The following TRNT1 variants were observed in gnomAD, a reference collection of about 807,000 sequenced individuals.
TRNT1 encodes the protein CCA tRNA nucleotidyltransferase 1, mitochondrial.
A neutral mutation model predicts 45.6 loss-of-function variants in TRNT1; 44 were observed. The ratio of observed to expected loss-of-function variants is 0.97; its 90% confidence interval spans 0.76 to 1.24. The LOEUF is 1.24. TRNT1 is among the 50% of genes most tolerant of loss of function. The probability of loss-of-function intolerance (pLI) is 0.00; values close to 1 mark genes in which losing one functional copy is unlikely to be tolerated. For synonymous variants in TRNT1, 201 were observed against 171.4 expected (o/e 1.17, Z -1.35); for missense variants, 633 against 504.4 (o/e 1.25, Z -2.44).
chr3:3,145,772 G>C (rs973452028), intron 5 of TRNT1, among the ~76,000 whole-genome samples: 2 of 151,968 alleles, frequency 1.3e-5, no homozygotes, highest in Non-Finnish European at 2.9e-5. Context: ...ATAGAACATA[G>C]ATTAAGACTT....
chr3:3,131,210 C>T (rs1575039702), intron 2 of TRNT1: 2 of 152,084 alleles, frequency 1.3e-5, no homozygotes, highest in South Asian at 4.1e-4. Context: ...CAAGTGGCTG[C>T]TGTTTGAATA....
chr3:3,133,390 C>T (rs1264196021), intron 2 of TRNT1, among the ~76,000 whole-genome samples: 1 of 151,876 alleles, frequency 6.6e-6, no homozygotes, highest in African/African-American at 2.4e-5. Flanking sequence ...CCCATCTGTA[C>T]AAAAATAATA....
Position 3,148,178 on chromosome 3 carries a change from A to G in TRNT1, c.*24A>G, listed in dbSNP as rs1706194972. ...AAAACTGATGGCTACTAAAAAGCAG[A>G]GCATTTCTGGTAAGACTAAATTTTC... On this transcript the variant is annotated 3_prime_UTR_variant, in exon 8 of 8. Coordinates refer to ENST00000251607, the MANE Select transcript of TRNT1 (RefSeq NM_182916.3). 1 of 1,606,738 alleles carries G rather than the reference A, an allele frequency of 6.2e-7. No individual in the cohort carries two copies. Among genetic ancestry groups the G allele is most frequent in the African/African-American group, 1.3e-5 (1 of 74,440 alleles).
chr3:3,128,219 C>T (rs1704726661), intron 1 of TRNT1, among the ~76,000 whole-genome samples: 1 of 152,092 alleles, frequency 6.6e-6, no homozygotes, highest in South Asian at 2.1e-4. Context: ...TCCCTCAGAC[C>T]CCTAATAAAC....
At chr3:3,138,264 G>T (rs1421998716) in intron 3 of TRNT1, among the ~76,000 whole-genome samples, 1 of 152,146 alleles carries the variant, frequency 6.6e-6, no homozygotes, top group African/African-American at 2.4e-5. Flanking sequence ...CTCCATGGTG[G>T]TTTGATAGTT....
At chr3:3,149,369 T>A (rs1170141737), downstream of TRNT1, 1 of 152,170 alleles carries the variant, frequency 6.6e-6, no homozygotes, top group Non-Finnish European at 1.5e-5. Flanking sequence ...CAGATTTAGC[T>A]ATCAGGTCTG....
intron 2 of TRNT1, among the ~76,000 whole-genome samples, chr3:3,134,447 A>G (rs1172844571): frequency 6.6e-6 from 1 of 152,216 alleles, no homozygotes; most frequent in East Asian, 1.9e-4. Context: ...AATGGTGAAT[A>G]TATTACTTTG....
chr3:3,147,828 G>C, intron 7 of TRNT1, 78 bp from the exon 8 acceptor site: 1 of 1,530,010 alleles, frequency 6.5e-7, no homozygotes, highest in Admixed American at 2.2e-5. Context: ...TTTATGTTGA[G>C]TATTTAAATT....
At chr3:3,150,654 A>G (rs1350630123), downstream of TRNT1, 2 of 502,068 alleles carry the variant, frequency 4.0e-6, no homozygotes, top group Non-Finnish European at 7.2e-6. Flanking sequence ...TGTTTCTGGT[A>G]TTCTAGACTG....
At chr3:3,150,928 C>CA (rs1706493122), downstream of TRNT1, 2 of 1,613,888 alleles carry the variant, frequency 1.2e-6, no homozygotes, top group Non-Finnish European at 1.7e-6. Flanking sequence ...TCGTGGGCAA[C>CA]AGAGCAGATC....
chr3:3,152,671 C>A (rs1401225454), downstream of TRNT1: 7 of 1,511,192 alleles, frequency 4.6e-6, no homozygotes, highest in Non-Finnish European at 6.4e-6. Context: ...TGAAGTTCAC[C>A]AAGAAATGAG....
At chr3:3,152,945 T>G (rs1485893415), downstream of TRNT1, 1 of 313,508 alleles carries the variant, frequency 3.2e-6, no homozygotes, top group Non-Finnish European at 6.0e-6. Context: ...TTTGGGGCAG[T>G]TGATTATTTT....
At chr3:3,138,225 T>A (rs1401594528) in intron 3 of TRNT1, among the ~76,000 whole-genome samples, 2 of 152,214 alleles carry the variant, frequency 1.3e-5, no homozygotes, top group African/African-American at 4.8e-5. Flanking sequence ...TGAGGAAGCC[T>A]TACACGTCTG....
intron 1 of TRNT1, among the ~76,000 whole-genome samples, chr3:3,128,391 G>A (rs1178170799): frequency 1.3e-5 from 2 of 152,170 alleles, no homozygotes; most frequent in East Asian, 1.9e-4. Context: ...GAGGTCAGGA[G>A]TTCGAGAGCA....
chr3:3,147,420 A>C, intron 6 of TRNT1, 30 bp from the exon 7 acceptor site: 1 of 1,606,758 alleles, frequency 6.2e-7, no homozygotes, highest in Non-Finnish European at 8.5e-7. Flanking sequence ...CCCCACTAAA[A>C]ACAGGTGAAA....
chr3:3,150,144 T>C (rs555130378), downstream of TRNT1: 2 of 152,178 alleles, frequency 1.3e-5, no homozygotes, highest in South Asian at 4.1e-4. Context: ...GTAGTTTTGG[T>C]TCAAATTAAT....
chr3:3,144,739 A>G, intron 5 of TRNT1, 29 bp downstream of exon 5: 1 of 1,494,152 alleles, frequency 6.7e-7, no homozygotes, highest in East Asian at 2.3e-5. Flanking sequence ...AAAAAATGAT[A>G]GTTTTAATAT....
intron 3 of TRNT1, among the ~76,000 whole-genome samples, chr3:3,137,712 A>G (rs1044512955): frequency 2.7e-5 from 4 of 150,108 alleles, no homozygotes; most frequent in Non-Finnish European, 5.9e-5. Flanking sequence ...TGTGTTACGT[A>G]TTGACTTTCC....
rs1239672792 is a variant in TRNT1, at chr3:3,147,511, T to A, written c.864T>A (p.Phe288Leu). Residue 288 changes from phenylalanine to leucine, a missense_variant, in exon 7 of 8, where the codon TTT becomes TTA. Coordinates refer to ENST00000251607, the MANE Select transcript of TRNT1 (RefSeq NM_182916.3). ...FDKVSKNVDG[F>L]SPKPVTLLAS... ...AAGTCAGTAAAAATGTTGATGGTTTTTCACCAAAGCCAGTGACTCTTTTGG... is the reference window on the plus strand; with the variant it reads ...AAGTCAGTAAAAATGTTGATGGTTTATCACCAAAGCCAGTGACTCTTTTGG... 2 of 1,613,904 alleles carry A rather than the reference T, an allele frequency of 1.2e-6. No individual in the cohort carries two copies. Among genetic ancestry groups the A allele is most frequent in the Non-Finnish European group, 1.7e-6 (2 of 1,179,848 alleles).
Sources: allele counts gnomAD v4.1 joint callset (sites outside exome capture counted in the v4.1 genomes callset), GRCh38; gene constraint gnomAD v4.1.1; transcripts MANE v1.5; gene names NCBI Gene and HGNC (gene_info 2026-07-23, HGNC 2026-07-21).